TDRD3: variants seen among roughly 807,000 people sequenced by gnomAD.
TDRD3 encodes tudor domain containing 3.
TDRD3 carries 45 observed loss-of-function variants against 86.7 expected under a neutral mutation model. The ratio of observed to expected loss-of-function variants is 0.52; its 90% CI spans 0.41 to 0.67. The LOEUF (loss-of-function observed/expected upper bound fraction) is 0.67, where lower values mean the gene tolerates loss of function less well. Among genes scored for constraint, TDRD3 ranks in the 30% least tolerant of loss-of-function variants. The pLI is 0.00. For synonymous variants in TDRD3, 298 were observed against 301.7 expected, an observed-to-expected ratio of 0.99 and a Z score of 0.13; for missense variants, 814 against 889.0, an observed-to-expected ratio of 0.92 and a Z score of 1.07.
intron 1 of TDRD3, among the ~76,000 whole-genome samples, chr13:60,410,358 C>G (rs1954333165): frequency 1.3e-5 from 2 of 152,144 alleles, no homozygotes; most frequent in African/African-American, 4.8e-5. Context: ...TTCAAGTCCA[C>G]TGGGGTTTTA....
At chr13:60,503,944 C>G (rs1254016799) in intron 8 of TDRD3, among the ~76,000 whole-genome samples, 2 of 152,146 alleles carry the variant, frequency 1.3e-5, no homozygotes, top group East Asian at 3.9e-4. Flanking sequence ...CTTTACAAAC[C>G]TTTTATAATG....
intron 11 of TDRD3, among the ~76,000 whole-genome samples, chr13:60,533,958 C>A (rs971661142): frequency 2.0e-5 from 3 of 152,178 alleles, no homozygotes; most frequent in African/African-American, 7.2e-5. Flanking sequence ...ATGATCTGTA[C>A]TGAAAGATTA....
At chr13:60,426,794 T>G (rs754356832) in intron 1 of TDRD3, among the ~76,000 whole-genome samples, 6 of 152,166 alleles carry the variant, frequency 3.9e-5, no homozygotes, top group Non-Finnish European at 8.8e-5. Context: ...ATTCATCACT[T>G]TATGGGGTAT....
chr13:60,477,917 G>T (rs1249468117), intron 5 of TDRD3, among the ~76,000 whole-genome samples: 1 of 152,138 alleles, frequency 6.6e-6, no homozygotes, highest in African/African-American at 2.4e-5. Context: ...CCTCCTTCTT[G>T]ATATTTATGG....
At chr13:60,415,158 AAC>A (rs1566174230) in intron 1 of TDRD3, among the ~76,000 whole-genome samples, 1 of 152,058 alleles carries the variant, frequency 6.6e-6, no homozygotes, top group East Asian at 1.9e-4. Context: ...GATGTTTTAT[AAC>A]AGTGTTTAGG....
chr13:60,459,459 G>A (rs1013741963), intron 3 of TDRD3, among the ~76,000 whole-genome samples: 1 of 152,100 alleles, frequency 6.6e-6, no homozygotes, highest in African/African-American at 2.4e-5. Context: ...TACAGCATTA[G>A]ATTTAATATC....
chr13:60,424,121 A>C (rs1197036065), intron 1 of TDRD3, among the ~76,000 whole-genome samples: 1 of 151,940 alleles, frequency 6.6e-6, no homozygotes, highest in East Asian at 2.0e-4. Flanking sequence ...TCCCGGGTTC[A>C]CGCCATTCTC....
Position 60,485,801 on chromosome 13 carries a change from G to A in TDRD3, c.570G>A (p.Lys190=). 1 of 1,590,364 alleles carries A rather than the reference G, an allele frequency of 6.3e-7. No individual in the cohort carries two copies. The highest frequency in any genetic ancestry group is 1.2e-5 in the South Asian group (1 of 86,154). Residue 190 remains lysine, a splice_region_variant and synonymous_variant, in exon 7 of 14, where the codon AAG becomes AAA. Transcript: ENST00000377881. ...GPPPFVPFGQ[K]CVSHVQVDSR... ...CTTATTCTTACTTGTTTTACTAGAA[G>A]TGTGTATCTCATGTCCAAGTGGATA... is the stretch of plus-strand genomic sequence containing the variant.
chr13:60,439,089 A>C (rs1955191062), intron 1 of TDRD3, among the ~76,000 whole-genome samples: 1 of 152,142 alleles, frequency 6.6e-6, no homozygotes, highest in African/African-American at 2.4e-5. Flanking sequence ...AAAAGAAAAA[A>C]GGGCAAATAA....
At chr13:60,409,892 G>A (rs1474417306) in intron 1 of TDRD3, among the ~76,000 whole-genome samples, 4 of 152,160 alleles carry the variant, frequency 2.6e-5, no homozygotes, top group African/African-American at 7.2e-5. Flanking sequence ...GGAATGATGT[G>A]GTTTGGCTGT....
intron 10 of TDRD3, among the ~76,000 whole-genome samples, chr13:60,523,155 G>A (rs768742358): frequency 1.3e-5 from 2 of 152,102 alleles, no homozygotes; most frequent in Non-Finnish European, 1.5e-5. Context: ...TCAGGTAGGT[G>A]TATCAGAATA....
At chr13:60,552,774 C>T (rs992759701) in intron 12 of TDRD3, among the ~76,000 whole-genome samples, 5 of 152,258 alleles carry the variant, frequency 3.3e-5, no homozygotes, top group African/African-American at 1.2e-4. Flanking sequence ...GTCTTCTGTG[C>T]ACTTGTAGGG....
chr13:60,566,610 T>G (rs1018293073), intron 12 of TDRD3, among the ~76,000 whole-genome samples: 1 of 152,186 alleles, frequency 6.6e-6, no homozygotes, highest in Non-Finnish European at 1.5e-5. Flanking sequence ...CTTAGTGAAA[T>G]AGATGCTTTC....
At chr13:60,479,114 G>A (rs1393694072) in intron 5 of TDRD3, among the ~76,000 whole-genome samples, 4 of 152,064 alleles carry the variant, frequency 2.6e-5, no homozygotes, top group African/African-American at 9.7e-5. Context: ...GCCAATTTGA[G>A]AACCTTCTAA....
chr13:60,568,323 CTA>C (rs1958511381), intron 13 of TDRD3, among the ~76,000 whole-genome samples: 1 of 152,132 alleles, frequency 6.6e-6, no homozygotes. Flanking sequence ...TTTTGTGTCC[CTA>C]ATGCAAGGTC....
At chr13:60,464,452 C>A (rs1594966351) in intron 4 of TDRD3, among the ~76,000 whole-genome samples, 1 of 152,070 alleles carries the variant, frequency 6.6e-6, no homozygotes, top group East Asian at 1.9e-4. Context: ...CATCTGCACT[C>A]CCATTTTTAT....
At chr13:60,431,703 CAA>C (rs67787868) in intron 1 of TDRD3, among the ~76,000 whole-genome samples, 7 of 63,018 alleles carry the variant, frequency 1.1e-4, no homozygotes, top group Admixed American at 3.8e-4. Flanking sequence ...CTATCTTTAC[CAA>C]AAAAAAAAAA....
At chr13:60,447,122 A>T (rs951418540) in intron 3 of TDRD3, among the ~76,000 whole-genome samples, 2 of 152,208 alleles carry the variant, frequency 1.3e-5, no homozygotes, top group African/African-American at 2.4e-5. Flanking sequence ...GAGCTGGGTT[A>T]TCCAGTGATC....
intron 8 of TDRD3, among the ~76,000 whole-genome samples, chr13:60,505,080 G>A (rs1398375872): frequency 6.6e-6 from 1 of 152,154 alleles, no homozygotes. Flanking sequence ...TGGAATGCCA[G>A]TGAGACAGAA....
Sources: gnomAD v4.1 joint callset for allele counts (sites outside exome capture counted in the v4.1 genomes callset) on GRCh38, gnomAD v4.1.1 for gene constraint, MANE v1.5 for transcripts, NCBI Gene and HGNC (gene_info 2026-07-23, HGNC 2026-07-21) for gene names.